The following SCML4 variants were observed in gnomAD, a reference collection of about 807,000 sequenced individuals.
SCML4 encodes sex comb on midleg-like protein 4.
Under a neutral mutation model 41.1 loss-of-function variants are expected in SCML4, and 34 were observed. That is an observed-to-expected ratio of 0.83 (90% CI 0.63 to 1.10). The LOEUF (loss-of-function observed/expected upper bound fraction) is 1.10, where lower values mean the gene tolerates loss of function less well. Among genes scored for constraint, SCML4 ranks in the 50% least tolerant of loss-of-function variants. The pLI is 0.00. For synonymous variants in SCML4, 214 were observed against 220.9 expected (o/e 0.97, Z 0.28); for missense variants, 522 against 534.1 (o/e 0.98, Z 0.22).
At chr6:107,707,549 G>T (rs1773778157) in intron 7 of SCML4, among the ~76,000 whole-genome samples, 1 of 152,274 alleles carries the variant, frequency 6.6e-6, no homozygotes, top group East Asian at 1.9e-4. Flanking sequence ...GCATGTCGTT[G>T]GTGTGCTGTG....
chr6:107,758,775 G>A (rs993581263), intron 2 of SCML4, among the ~76,000 whole-genome samples: 5 of 152,100 alleles, frequency 3.3e-5, no homozygotes, highest in African/African-American at 1.2e-4. Flanking sequence ...CAGAAAGAGA[G>A]CATGGCCCTG....
intron 5 of SCML4, chr6:107,740,263 T>C: frequency 2.4e-6 from 1 of 419,298 alleles, no homozygotes. Flanking sequence ...CATGCGGGTC[T>C]TGTAAAAAGA....
chr6:107,771,051 T>C (rs1242492180), intron 2 of SCML4, among the ~76,000 whole-genome samples: 1 of 152,158 alleles, frequency 6.6e-6, no homozygotes, highest in Admixed American at 6.5e-5. Context: ...GAACAACCAG[T>C]GAGAGAAGAC....
At chr6:107,727,432 A>T (rs987178427) in intron 5 of SCML4, among the ~76,000 whole-genome samples, 5 of 152,220 alleles carry the variant, frequency 3.3e-5, no homozygotes, top group Middle Eastern at 3.4e-3. Context: ...GTTTTTTTTT[A>T]AAAGGCGTTT....
intron 2 of SCML4, among the ~76,000 whole-genome samples, chr6:107,762,721 G>A (rs1238785911): frequency 6.6e-6 from 1 of 152,000 alleles, no homozygotes; most frequent in African/African-American, 2.4e-5. Flanking sequence ...GAGAGACATG[G>A]AACAGATTCT....
intron 1 of SCML4, among the ~76,000 whole-genome samples, chr6:107,822,942 A>C (rs1215602911): frequency 6.6e-6 from 1 of 151,862 alleles, no homozygotes; most frequent in Admixed American, 6.6e-5. Flanking sequence ...TATACCCCCC[A>C]GATAGTTTAA....
the SCML4 span, among the ~76,000 whole-genome samples, chr6:107,832,643 G>C: frequency 3.9e-5 from 6 of 152,162 alleles, no homozygotes; most frequent in Non-Finnish European, 8.8e-5. Flanking sequence ...GGAGCTGCCT[G>C]GGGAGAAATG....
At chr6:107,839,368 G>GAAAGAAAGAAA in the SCML4 span, among the ~76,000 whole-genome samples, 105 of 52,546 alleles carry the variant, frequency 2.0e-3, 1 homozygote, top group African/African-American at 2.5e-3. Context: ...AAAGAAAGAA[G>GAAAGAAAGAAA]GAAAGAAAGA....
intron 1 of SCML4, among the ~76,000 whole-genome samples, chr6:107,803,834 A>C (rs1406621799): frequency 2.6e-5 from 4 of 151,136 alleles, no homozygotes; most frequent in African/African-American, 9.9e-5. Flanking sequence ...GCTTTGTCAA[A>C]CAGATGCTTG....
intron 1 of SCML4, among the ~76,000 whole-genome samples, chr6:107,801,301 C>T (rs772897235): frequency 2.6e-5 from 4 of 152,158 alleles, no homozygotes; most frequent in Admixed American, 6.5e-5. Context: ...TTTATACACA[C>T]GATTCCCAAC....
intron 1 of SCML4, among the ~76,000 whole-genome samples, chr6:107,803,979 C>T (rs377605180): frequency 2.0e-5 from 3 of 151,268 alleles, no homozygotes; most frequent in Non-Finnish European, 2.9e-5. Flanking sequence ...TCTGCTGACC[C>T]TCCCTCCACT....
At chr6:107,755,861 C>T (rs1035740863) in intron 2 of SCML4, among the ~76,000 whole-genome samples, 1 of 151,974 alleles carries the variant, frequency 6.6e-6, no homozygotes, top group South Asian at 2.1e-4. Context: ...AGTAAGACAA[C>T]ACTAAGGAAA....
chr6:107,821,359 T>C (rs1320203882), intron 1 of SCML4, among the ~76,000 whole-genome samples: 2 of 152,174 alleles, frequency 1.3e-5, no homozygotes, highest in African/African-American at 2.4e-5. Context: ...ACTAGCCTTT[T>C]GAGAGATGGC....
chr6:107,793,450 C>G (rs1782488955), intron 1 of SCML4, among the ~76,000 whole-genome samples: 1 of 152,202 alleles, frequency 6.6e-6, no homozygotes, highest in Non-Finnish European at 1.5e-5. Context: ...TTAAAACAAG[C>G]TGAACACCTG....
chr6:107,720,275 C>G (rs1775233948), intron 6 of SCML4: 1 of 733,910 alleles, frequency 1.4e-6, no homozygotes, highest in East Asian at 1.3e-4. Context: ...AGGGAAGCAC[C>G]TGTGTCTTCT....
At chr6:107,822,064 T>A (rs1170167646) in intron 1 of SCML4, among the ~76,000 whole-genome samples, 1 of 152,230 alleles carries the variant, frequency 6.6e-6, no homozygotes, top group Non-Finnish European at 1.5e-5. Flanking sequence ...GTATTTGAGA[T>A]CCAAAATTGA....
At chr6:107,782,035 G>T (rs575537279) in intron 1 of SCML4, among the ~76,000 whole-genome samples, 1 of 152,182 alleles carries the variant, frequency 6.6e-6, no homozygotes, top group Non-Finnish European at 1.5e-5. Context: ...CCCAAGAGGG[G>T]TACAACAGCC....
At chr6:107,795,935 A>C (rs375025476) in intron 1 of SCML4, among the ~76,000 whole-genome samples, 3 of 152,232 alleles carry the variant, frequency 2.0e-5, no homozygotes, top group South Asian at 4.1e-4. Flanking sequence ...CATAAATAGA[A>C]TCATATAATG....
At chr6:107,836,216 A>G in the SCML4 span, among the ~76,000 whole-genome samples, 52 of 152,282 alleles carry the variant, frequency 3.4e-4, no homozygotes, top group South Asian at 0.011. Flanking sequence ...TTAAGAAACC[A>G]GGCTGTTTCG....
Sources: allele counts gnomAD v4.1 joint callset (sites outside exome capture counted in the v4.1 genomes callset), GRCh38; gene constraint gnomAD v4.1.1; transcripts MANE v1.5; gene names NCBI Gene and HGNC (gene_info 2026-07-23, HGNC 2026-07-21).